Variants in KYNU observed in about 807,000 individuals in gnomAD.
The protein encoded by KYNU is kynureninase, also known as L-kynurenine hydrolase.
Under a neutral mutation model 59.2 loss-of-function variants are expected in KYNU, and 54 were observed. That is an observed-to-expected ratio of 0.91 (90% CI 0.73 to 1.14). The LOEUF is 1.14. Among genes scored for constraint, KYNU ranks in the 50% most tolerant of loss-of-function variants. The pLI, the probability that KYNU is intolerant of heterozygous loss-of-function variation, is 0.00. For missense variants in KYNU, 567 were observed against 554.4 expected (o/e 1.02, Z -0.23); for synonymous variants, 177 against 192.0 (o/e 0.92, Z 0.65).
At chr2:142,987,524 A>C (rs898804299) in intron 10 of KYNU, among the ~76,000 whole-genome samples, 1 of 151,890 alleles carries the variant, frequency 6.6e-6, no homozygotes, top group African/African-American at 2.4e-5. Flanking sequence ...AATCTATGTT[A>C]AGTCTAAGCT....
intron 11 of KYNU, among the ~76,000 whole-genome samples, chr2:143,032,711 T>TTGTGTGTGTGTTTGTGTGTG (rs1686787855): frequency 7.7e-6 from 1 of 129,370 alleles, no homozygotes; most frequent in African/African-American, 2.9e-5. Context: ...GCTCCCTCTA[T>TTGTGTGTGTGTTTGTGTGTG]TGTGTGTGTG....
At chr2:142,991,604 A>G (rs1349737734) in intron 10 of KYNU, among the ~76,000 whole-genome samples, 2 of 151,634 alleles carry the variant, frequency 1.3e-5, no homozygotes, top group Non-Finnish European at 2.9e-5. Context: ...TGTCTTTAAT[A>G]TTTGCCTCCC....
intron 10 of KYNU, among the ~76,000 whole-genome samples, chr2:143,028,990 T>C (rs1175698954): frequency 6.6e-6 from 1 of 152,202 alleles, no homozygotes; most frequent in African/African-American, 2.4e-5. Context: ...GAAAATATTG[T>C]ATTAATTGTT....
chr2:143,013,077 C>A (rs572067172), intron 10 of KYNU, among the ~76,000 whole-genome samples: 1 of 152,178 alleles, frequency 6.6e-6, no homozygotes, highest in East Asian at 1.9e-4. Context: ...CACACTGCAG[C>A]CTTAAACTCC....
In KYNU at chr2:142,937,647, A is replaced by G. The variant is rs7571909; in HGVS notation, c.373+9906A>G. Among the ~76,000 whole-genome samples, 1,179 of 152,356 alleles carry G rather than the reference A, an allele frequency of 7.7e-3. 14 individuals are homozygous for G. Among genetic ancestry groups the G allele is most frequent in the African/African-American group, 0.027 (1,104 of 41,578 alleles). ...GGACAGAGAAAGTAAAGTGATGTAC[A>G]GAAAATGGAAGTGAGGTACAGAAAC... On this transcript the variant is annotated intron_variant, in intron 4 of 13. Coordinates refer to ENST00000264170, the MANE Select transcript of KYNU (RefSeq NM_003937.3).
At position 143,043,067 on chromosome 2, in the gene KYNU, G is replaced by A. The variant is rs573664557; in HGVS notation, c.*895G>A. On this transcript the variant is annotated 3_prime_UTR_variant, in exon 14 of 14. Coordinates refer to ENST00000264170, the MANE Select transcript of KYNU (RefSeq NM_003937.3). ...TATTGATTTCCTTACCCACTCATGG[G>A]CCCTAATTCACACTTTTTAAGAATG... 2 of 151,878 alleles carry A rather than the reference G, an allele frequency of 1.3e-5. No homozygotes were observed. Among genetic ancestry groups the A allele is most frequent in the Admixed American group, 6.6e-5 (1 of 15,212 alleles). 9.4% of individuals were successfully genotyped at this position (151,878 alleles called of 1,614,324 possible).
intron 8 of KYNU, among the ~76,000 whole-genome samples, chr2:142,974,051 G>A (rs1684816739): frequency 6.6e-6 from 1 of 152,164 alleles, no homozygotes; most frequent in African/African-American, 2.4e-5. Context: ...TAACCTCAAG[G>A]AGAGCATTCA....
In KYNU at chr2:143,050,221, C is replaced by A. The variant is rs1687239353; in HGVS notation, c.*8049C>A. The A allele has an allele frequency of 6.6e-6, 1 of 151,566 alleles. No individual in the cohort carries two copies. Among genetic ancestry groups the A allele is most frequent in the African/African-American group, 2.4e-5 (1 of 41,240 alleles). 9.4% of individuals were successfully genotyped at this position (151,566 alleles called of 1,614,324 possible). A position where few individuals can be genotyped will look rare whatever the true frequency, so the allele number is the denominator to read the frequency against. On this transcript the variant is annotated 3_prime_UTR_variant, in exon 14 of 14. Transcript: ENST00000264170. Reference sequence around the variant, plus strand: ...AGAAAACCAGGATACATGTGCAGAACCTGCAGGTTTGTTACATAGGTATAC... The same window carrying A: ...AGAAAACCAGGATACATGTGCAGAAACTGCAGGTTTGTTACATAGGTATAC...
chr2:142,940,156 C>A (rs1378748375), intron 4 of KYNU, among the ~76,000 whole-genome samples: 1 of 152,136 alleles, frequency 6.6e-6, no homozygotes, highest in African/African-American at 2.4e-5. Flanking sequence ...TTGTTAGAAG[C>A]CAATTCTAAA....
chr2:142,970,388 T>A (rs1573854808), intron 8 of KYNU, among the ~76,000 whole-genome samples: 1 of 152,304 alleles, frequency 6.6e-6, no homozygotes, highest in South Asian at 2.1e-4. Context: ...AGTATGTAAA[T>A]AAATATTTTA....
intron 10 of KYNU, among the ~76,000 whole-genome samples, chr2:143,002,807 C>T (rs535475149): frequency 1.3e-5 from 2 of 152,160 alleles, no homozygotes; most frequent in East Asian, 3.9e-4. Context: ...AATCAGTTTC[C>T]ACAGAAAACA....
At chr2:142,928,480 A>G (rs1317464102) in intron 4 of KYNU, among the ~76,000 whole-genome samples, 2 of 152,172 alleles carry the variant, frequency 1.3e-5, no homozygotes, top group African/African-American at 4.8e-5. Context: ...TTATTCTCTT[A>G]TAAGCAAACA....
chr2:143,031,780 T>C (rs1686750217), intron 11 of KYNU, among the ~76,000 whole-genome samples: 1 of 152,122 alleles, frequency 6.6e-6, no homozygotes, highest in African/African-American at 2.4e-5. Context: ...TATGGCCATA[T>C]ATTAGTCTGT....
intron 1 of KYNU, among the ~76,000 whole-genome samples, chr2:142,883,413 C>A (rs570994708): frequency 6.6e-6 from 1 of 151,516 alleles, no homozygotes; most frequent in Admixed American, 6.6e-5. Context: ...TTAGCCAGGA[C>A]GGTCTTGATC....
At chr2:143,023,859 G>A (rs1686476157) in intron 10 of KYNU, among the ~76,000 whole-genome samples, 1 of 151,606 alleles carries the variant, frequency 6.6e-6, no homozygotes, top group Non-Finnish European at 1.5e-5. Context: ...AAAAGCTTTA[G>A]AAATAGAAAA....
rs1431355561 is a variant in KYNU at position 143,049,929 on chromosome 2, G to GC, written c.*7758dup. ...GTTTTTATGTTTGCTTCTGTCAGTT[G>GC]CAGAGAATCAATGAGAAGAACACTT... On this transcript the variant is annotated 3_prime_UTR_variant, in exon 14 of 14. Transcript: ENST00000264170. The GC allele has an allele frequency of 6.6e-6, 1 of 151,364 alleles. No individual in the cohort carries two copies. Among genetic ancestry groups the GC allele is most frequent in the Non-Finnish European group, 1.5e-5 (1 of 67,878 alleles). 9.4% of individuals were successfully genotyped at this position (151,364 alleles called of 1,614,324 possible). A position where few individuals can be genotyped will look rare whatever the true frequency, so the allele number is the denominator to read the frequency against.
Position 143,040,490 on chromosome 2 carries a change from G to A in KYNU, c.1104G>A (p.Leu368=). 1.9e-6 allele frequency: 3 copies of A among 1,613,274 alleles called. No individual in the cohort carries two copies. The highest frequency in any genetic ancestry group is 2.2e-5 in the South Asian group (2 of 91,064). ...RKKSVLLTGY[L]EYLIKHNYGK... ...AATCTGTTTTGCTAACTGGCTATCT[G>A]GAATACCTGATCAAGCATAACTATG... is the stretch of plus-strand genomic sequence containing the variant. The change falls in exon 13 of 14, where the codon CTG becomes CTA. Residue 368 remains leucine, a synonymous_variant. Transcript: ENST00000264170.
chr2:142,946,818 C>T (rs1424925135), intron 4 of KYNU, among the ~76,000 whole-genome samples: 1 of 152,146 alleles, frequency 6.6e-6, no homozygotes, highest in African/African-American at 2.4e-5. Flanking sequence ...CCATAAAGTC[C>T]TAGATAGCAT....
intron 2 of KYNU, among the ~76,000 whole-genome samples, chr2:142,910,131 CTTTTT>C (rs368644903): frequency 9.5e-5 from 10 of 105,472 alleles, no homozygotes; most frequent in Admixed American, 5.1e-4. Context: ...TGTTCTTTGC[CTTTTT>C]TTTTTTTTTT....
Sources: allele counts gnomAD v4.1 joint callset (sites outside exome capture counted in the v4.1 genomes callset), GRCh38; gene constraint gnomAD v4.1.1; transcripts MANE v1.5; gene names NCBI Gene and HGNC (gene_info 2026-07-23, HGNC 2026-07-21).